DHX34: variants seen among roughly 807,000 people sequenced by gnomAD.
DHX34 encodes the protein probable ATP-dependent RNA helicase DHX34.
DHX34 carries 96 observed loss-of-function variants against 111.1 expected under a neutral mutation model. That is an observed-to-expected ratio of 0.86 (90% CI 0.73 to 1.02). DHX34 has a LOEUF of 1.02. DHX34 is among the 50% of genes least tolerant of loss of function. The pLI, the probability that DHX34 is intolerant of heterozygous loss-of-function variation, is 0.00. For missense variants in DHX34, 1,560 were observed against 1,579.9 expected (o/e 0.99, Z 0.21); for synonymous variants, 688 against 670.4 (o/e 1.03, Z -0.41).
intron 9 of DHX34, among the ~76,000 whole-genome samples, chr19:47,374,050 G>A (rs62623569): frequency 0.27 from 41,358 of 152,024 alleles, 8,079 homozygotes; most frequent in African/African-American, 0.54. Context: ...CTCAGCCACA[G>A]ATCCCAGCTC....
At chr19:47,365,551 C>T (rs1568399708) in intron 6 of DHX34, among the ~76,000 whole-genome samples, 2 of 152,044 alleles carry the variant, frequency 1.3e-5, no homozygotes, top group Non-Finnish European at 2.9e-5. Flanking sequence ...CGCGCCCGGC[C>T]TATAAAGGTT....
chr19:47,354,491 G>T (rs1164206685), intron 2 of DHX34, among the ~76,000 whole-genome samples: 2 of 152,140 alleles, frequency 1.3e-5, no homozygotes, highest in African/African-American at 4.8e-5. Context: ...TCTGTGCATT[G>T]TCACATGGAA....
intron 7 of DHX34, among the ~76,000 whole-genome samples, chr19:47,367,777 A>T (rs1969836222): frequency 6.6e-6 from 1 of 151,542 alleles, no homozygotes; most frequent in African/African-American, 2.4e-5. Flanking sequence ...AATCCCAGCC[A>T]CTTGGGAGGG....
chr19:47,380,746 C>A, intron 14 of DHX34, 70 bp from the exon 15 acceptor site: 1 of 1,596,192 alleles, frequency 6.3e-7, no homozygotes, highest in Non-Finnish European at 8.5e-7. Context: ...TCAGGCACAG[C>A]TGGATCCAGG....
rs145900546 is a variant in DHX34, at chr19:47,377,169, C to G, written c.2669C>G (p.Pro890Arg). 3.1e-6 allele frequency: 5 copies of G among 1,613,848 alleles called. No homozygotes were observed. The highest frequency in any genetic ancestry group is 2.7e-5 in the African/African-American group (2 of 74,928). The change falls in exon 13 of 17, where the codon CCG becomes CGG. Residue 890 changes from proline (P) to arginine (R), a missense_variant. Physicochemically the swap from Pro to Arg is moderately radical, Grantham distance 103. Coordinates refer to ENST00000328771, the MANE Select transcript of DHX34 (RefSeq NM_014681.6). Reference protein sequence around the residue: ...SFVSLLETNKPYLVNCVRIPA... With the variant: ...SFVSLLETNKRYLVNCVRIPA... Reference sequence around the variant, plus strand: ...GTGTCCCTGCTGGAGACCAACAAGCCGTACCTGGTGAACTGCGTCCGCATC... The same window carrying G: ...GTGTCCCTGCTGGAGACCAACAAGCGGTACCTGGTGAACTGCGTCCGCATC...
chr19:47,376,471 C>T lies in DHX34; in HGVS notation c.2510C>T (p.Ala837Val), dbSNP rs745765604. 6.2e-7 allele frequency: 1 copy of T among 1,611,166 alleles called. No homozygotes were observed. Among genetic ancestry groups the T allele is most frequent in the Admixed American group, 1.7e-5 (1 of 59,760 alleles). The change falls in exon 12 of 17, where the codon GCC becomes GTC. Residue 837 changes from alanine to valine, a missense_variant. Coordinates refer to ENST00000328771, the MANE Select transcript of DHX34 (RefSeq NM_014681.6). ...TTCCACACGCAGGCCAAGCAGGGCG[C>T]CGTGCTGCACCCCACCTGCGTCTTC... ...QIFHTQAKQG[A>V]VLHPTCVFAG...
At chr19:47,381,382 G>T in intron 16 of DHX34, 58 bp downstream of exon 16, 1 of 1,576,320 alleles carries the variant, frequency 6.3e-7, no homozygotes, top group Non-Finnish European at 8.6e-7. Flanking sequence ...CCCATCCCAT[G>T]ATGGTCTCCT....
At chr19:47,366,842 G>A (rs548518694) in intron 6 of DHX34, 139 bp from the exon 7 acceptor site, 804 of 1,353,740 alleles carry the variant, frequency 5.9e-4, no homozygotes, top group Non-Finnish European at 6.9e-4. Context: ...TCAAAGTGCT[G>A]GGATTACAGG....
rs535430275 is a variant in DHX34 at position 47,353,639 on chromosome 19, C to T, written c.609C>T (p.Gly203=). Residue 203 remains glycine (G), a synonymous_variant, in exon 2 of 17, where the codon GGC becomes GGT. Coordinates refer to ENST00000328771, the MANE Select transcript of DHX34 (RefSeq NM_014681.6). The surrounding 1 kb of genome is among the most constrained non-coding windows in gnomAD (Gnocchi z 4.6). ...TGCCCCAGTACCTGCTGGCTGCTGG[C>T]TTCAGTCATGTGGCGTGCACCCAGC... ...TQVPQYLLAA[G]FSHVACTQPR... is the part of the protein sequence containing the mutation. 6.2e-7 allele frequency: 1 copy of T among 1,613,228 alleles called. No individual in the cohort carries two copies. Among genetic ancestry groups the T allele is most frequent in the African/African-American group, 1.3e-5 (1 of 75,058 alleles).
At chr19:47,370,847 A>AT (rs958809297) in intron 7 of DHX34, among the ~76,000 whole-genome samples, 4 of 151,892 alleles carry the variant, frequency 2.6e-5, no homozygotes, top group African/African-American at 7.3e-5. Flanking sequence ...CAGTTTTTGT[A>AT]TTTTTTAGTA....
intron 7 of DHX34, among the ~76,000 whole-genome samples, chr19:47,368,101 T>G (rs1276840534): frequency 6.7e-6 from 1 of 150,014 alleles, no homozygotes; most frequent in Non-Finnish European, 1.5e-5. Context: ...TAGCCATGTG[T>G]GGCCAGAGGC....
In DHX34 at chr19:47,379,701, C is replaced by A. The variant is rs367763903; in HGVS notation, c.2707-9C>A. On this transcript the variant is annotated splice_polypyrimidine_tract_variant and intron_variant, in intron 13 of 16. Transcript: ENST00000328771. Reference sequence around the variant, plus strand: ...ACCTACTCCCTGTCTTCTGCCCCCTCTCTTTCAGTCCCTCCTGCTTTTTAG... The same window carrying A: ...ACCTACTCCCTGTCTTCTGCCCCCTATCTTTCAGTCCCTCCTGCTTTTTAG... 2.1e-4 allele frequency: 328 copies of A among 1,587,718 alleles called. No homozygotes were observed. The highest frequency in any genetic ancestry group is 2.6e-4 in the Non-Finnish European group (303 of 1,159,772).
chr19:47,366,698 A>C (rs1969795144), intron 6 of DHX34, among the ~76,000 whole-genome samples: 1 of 151,866 alleles, frequency 6.6e-6, no homozygotes, highest in Non-Finnish European at 1.5e-5. Context: ...CTCCTGCCTC[A>C]GCCTCCCGAG....
intron 1 of DHX34, among the ~76,000 whole-genome samples, chr19:47,351,115 G>A (rs1969270405): frequency 6.6e-6 from 1 of 151,882 alleles, no homozygotes; most frequent in Non-Finnish European, 1.5e-5. Flanking sequence ...CTGTCAGTGG[G>A]GCCCAGCATG....
In DHX34 at chr19:47,381,329, G is replaced by T; in HGVS notation, c.3298+5G>T. On this transcript the variant is annotated splice_donor_5th_base_variant and intron_variant, in intron 16 of 16. Transcript: ENST00000328771. ...CCCCACAGGATGGGCCCCCAGGTAAGCACAGGACTGTGGGGACCCGGCCAC... is the reference window on the plus strand; with the variant it reads ...CCCCACAGGATGGGCCCCCAGGTAATCACAGGACTGTGGGGACCCGGCCAC... 2 of 1,612,038 alleles carry T rather than the reference G, an allele frequency of 1.2e-6. No homozygotes were observed. The highest frequency in any genetic ancestry group is 1.7e-6 in the Non-Finnish European group (2 of 1,178,792).
chr19:47,365,019 A>C (rs1451210408), intron 6 of DHX34, among the ~76,000 whole-genome samples: 1 of 150,488 alleles, frequency 6.6e-6, no homozygotes, highest in African/African-American at 2.4e-5. Context: ...CATTTTCTAG[A>C]CTCCTCTGGC....
chr19:47,349,546 G>T (rs1401426379), intron 1 of DHX34, among the ~76,000 whole-genome samples, 194 bp downstream of exon 1: 1 of 152,180 alleles, frequency 6.6e-6, no homozygotes, highest in South Asian at 2.1e-4. Context: ...GAGAACCTGG[G>T]CGACAGGCCA....
chr19:47,357,574 A>G (rs1197925724), intron 3 of DHX34, among the ~76,000 whole-genome samples: 1 of 152,190 alleles, frequency 6.6e-6, no homozygotes, highest in Non-Finnish European at 1.5e-5. Flanking sequence ...GGATGCTGCT[A>G]GATATCCTAC....
chr19:47,371,456 A>T (rs1969963009), intron 7 of DHX34, among the ~76,000 whole-genome samples: 1 of 152,198 alleles, frequency 6.6e-6, no homozygotes. Context: ...CCCCGTTTAC[A>T]GATGGGGAAG....
Sources: gnomAD v4.1 joint callset for allele counts (sites outside exome capture counted in the v4.1 genomes callset) on GRCh38, gnomAD v4.1.1 for gene constraint, Gnocchi (gnomAD v3.1) non-coding constraint, MANE v1.5 for transcripts, NCBI Gene and HGNC (gene_info 2026-07-23, HGNC 2026-07-21) for gene names.